The following MITF variants were observed in gnomAD, a reference collection of about 807,000 sequenced individuals.
MITF encodes the protein melanocyte inducing transcription factor, also known as microphthalmia-associated transcription factor.
In MITF, 17 loss-of-function variants were observed where a neutral mutation model predicts 60.5. That is an observed-to-expected ratio of 0.28 (90% confidence interval 0.19 to 0.42). The LOEUF (loss-of-function observed/expected upper bound fraction) is 0.42. Among genes scored for constraint, MITF ranks in the 10% least tolerant of loss-of-function variants. The pLI, the probability that MITF is intolerant of heterozygous loss-of-function variation, is 1.00. For missense variants in MITF, 622 were observed against 683.5 expected, an observed-to-expected ratio of 0.91 and a Z score of 1.00; for synonymous variants, 260 against 248.5, an observed-to-expected ratio of 1.05 and a Z score of -0.43.
chr3:69,790,381 G>T (rs190358206), intron 1 of MITF, among the ~76,000 whole-genome samples: 6 of 152,130 alleles, frequency 3.9e-5, no homozygotes, highest in African/African-American at 1.4e-4. Context: ...TCAGTTTTGC[G>T]AGATGAAAAA....
rs753953309 is a variant in MITF at position 69,766,376 on chromosome 3, A to ATTTT, written c.104+26702_104+26705dup. Among the ~76,000 whole-genome samples, 14 of 95,134 alleles carry ATTTT rather than the reference A, an allele frequency of 1.5e-4. 1 individual carries two copies. Among genetic ancestry groups the ATTTT allele is most frequent in the East Asian group, 5.9e-4 (2 of 3,412 alleles). The allele number at this position is 95,134 out of a possible 152,430, so 62.4% of individuals were successfully genotyped here. On this transcript the variant is annotated intron_variant, in intron 1 of 9. Coordinates refer to ENST00000352241, the MANE Select transcript of MITF (RefSeq NM_001354604.2). Reference sequence around the variant, plus strand: ...AGGTGTGCACCACCATGCCCAGCTAATTTTTTTTTTTTTTTTTTTTTTTTT... The same window carrying ATTTT: ...AGGTGTGCACCACCATGCCCAGCTAATTTTTTTTTTTTTTTTTTTTTTTTTTTTT...
intron 7 of MITF, among the ~76,000 whole-genome samples, chr3:69,953,684 G>GAGAGACAGAGAC (rs573498755): frequency 8.3e-5 from 12 of 143,964 alleles, no homozygotes; most frequent in Admixed American, 3.6e-4. Context: ...GAGAGAGAGA[G>GAGAGACAGAGAC]AGAGACAGAG....
rs981112526 is a variant in MITF at position 69,968,291 on chromosome 3, C to G, written c.*3043C>G. The G allele has an allele frequency of 4.4e-6, 1 of 229,838 alleles. No individual in the cohort carries two copies. The highest frequency in any genetic ancestry group is 2.2e-5 in the African/African-American group (1 of 45,134). 14.2% of individuals were successfully genotyped at this position (229,838 alleles called of 1,614,324 possible). A position where few individuals can be genotyped will look rare whatever the true frequency, so the allele number is the denominator to read the frequency against. ...ATATTAATGTATCCAATGAAATAAT[C>G]GACTTGTTCTTGATAGCCTCATTAA... On this transcript the variant is annotated 3_prime_UTR_variant, in exon 10 of 10. Coordinates refer to ENST00000352241, the MANE Select transcript of MITF (RefSeq NM_001354604.2).
chr3:69,923,184 G>A (rs1183260929), intron 2 of MITF, among the ~76,000 whole-genome samples: 2 of 152,098 alleles, frequency 1.3e-5, no homozygotes, highest in Non-Finnish European at 2.9e-5. Context: ...TCATAGTTTG[G>A]TAGTGTTTCA....
intron 1 of MITF, among the ~76,000 whole-genome samples, chr3:69,858,465 T>C (rs192028706): frequency 6.6e-6 from 1 of 152,264 alleles, no homozygotes; most frequent in Admixed American, 6.5e-5. Context: ...TTATTTAGCA[T>C]AAAGAGGTTT....
intron 2 of MITF, among the ~76,000 whole-genome samples, chr3:69,882,225 G>A (rs1163180340): frequency 2.0e-5 from 3 of 152,090 alleles, no homozygotes; most frequent in Non-Finnish European, 4.4e-5. Context: ...GTTAGAGATC[G>A]AAAATCTGCA....
intron 2 of MITF, among the ~76,000 whole-genome samples, chr3:69,885,239 C>T (rs543681498): frequency 1.3e-5 from 2 of 152,216 alleles, no homozygotes; most frequent in East Asian, 3.9e-4. Context: ...AGCCCCTTTG[C>T]AATCACTGAA....
intron 7 of MITF, among the ~76,000 whole-genome samples, chr3:69,954,385 C>T (rs983080374): frequency 2.0e-5 from 3 of 152,142 alleles, no homozygotes; most frequent in Non-Finnish European, 4.4e-5. Flanking sequence ...AGTCAAAGGG[C>T]AGGCAAGGGA....
At chr3:69,810,981 C>T (rs1317219353) in intron 1 of MITF, among the ~76,000 whole-genome samples, 1 of 152,178 alleles carries the variant, frequency 6.6e-6, no homozygotes, top group Non-Finnish European at 1.5e-5. Context: ...CTTATTTTAA[C>T]TTCAAATTAA....
At chr3:69,924,259 A>C (rs907063323) in intron 2 of MITF, among the ~76,000 whole-genome samples, 8 of 152,218 alleles carry the variant, frequency 5.3e-5, no homozygotes, top group African/African-American at 1.9e-4. Flanking sequence ...CAGAAGAATC[A>C]CAGGAATCCT....
intron 1 of MITF, among the ~76,000 whole-genome samples, chr3:69,823,807 C>G (rs1299835514): frequency 2.0e-5 from 3 of 152,162 alleles, no homozygotes; most frequent in African/African-American, 7.2e-5. Flanking sequence ...TGTGATACTA[C>G]CAGATTAGTA....
At chr3:69,788,853 C>T (rs2062694489) in intron 1 of MITF, among the ~76,000 whole-genome samples, 1 of 152,130 alleles carries the variant, frequency 6.6e-6, no homozygotes, top group Non-Finnish European at 1.5e-5. Context: ...GAAGTAAGGA[C>T]AGTCTCTTCA....
intron 1 of MITF, among the ~76,000 whole-genome samples, chr3:69,839,782 A>AT (rs1352258173): frequency 6.6e-6 from 1 of 152,056 alleles, no homozygotes; most frequent in Non-Finnish European, 1.5e-5. Flanking sequence ...ATTTCAGTTG[A>AT]TTTTTTGAAA....
At chr3:69,870,354 ATG>A (rs1268326615) in intron 1 of MITF, among the ~76,000 whole-genome samples, 3 of 148,692 alleles carry the variant, frequency 2.0e-5, no homozygotes, top group South Asian at 2.1e-4. Flanking sequence ...GTATATATGT[ATG>A]TGTGTGTATA....
At chr3:69,825,760 G>A (rs1277710348) in intron 1 of MITF, among the ~76,000 whole-genome samples, 1 of 152,078 alleles carries the variant, frequency 6.6e-6, no homozygotes, top group Admixed American at 6.6e-5. Flanking sequence ...TTTTTGAGAT[G>A]GGGAAACTGA....
chr3:69,829,064 TAG>T (rs990844595), intron 1 of MITF, among the ~76,000 whole-genome samples: 2 of 152,100 alleles, frequency 1.3e-5, no homozygotes, highest in African/African-American at 4.8e-5. Flanking sequence ...AGAATAGAAA[TAG>T]AGTGTTCTGA....
rs148547812 is a variant in MITF at position 69,900,490 on chromosome 3, G to A, written c.354+21107G>A. ...CCCTGTTTAACCAAACACCTCCCAC[G>A]TCTTTGTTCTTTGTGCTCATCCTGA... On this transcript the variant is annotated intron_variant, in intron 2 of 9. Coordinates refer to ENST00000352241, the MANE Select transcript of MITF (RefSeq NM_001354604.2). 2.2e-3 allele frequency among the ~76,000 whole-genome samples: 330 copies of A among 152,118 alleles called. 16 individuals carry two copies. The East Asian group carries it at 0.055, about 25-fold the overall frequency.
At chr3:69,798,916 C>T (rs1050082928) in intron 1 of MITF, among the ~76,000 whole-genome samples, 34 of 152,132 alleles carry the variant, frequency 2.2e-4, no homozygotes. Flanking sequence ...CTTCATTTTG[C>T]CTTGTACTTA....
intron 1 of MITF, among the ~76,000 whole-genome samples, chr3:69,868,875 G>A (rs1243559224): frequency 6.6e-6 from 1 of 150,484 alleles, no homozygotes; most frequent in African/African-American, 2.5e-5. Context: ...CTCCAGCCTG[G>A]GAGACAGAGG....
Sources: gnomAD v4.1 joint callset for allele counts (sites outside exome capture counted in the v4.1 genomes callset) on GRCh38, gnomAD v4.1.1 for gene constraint, MANE v1.5 for transcripts, NCBI Gene and HGNC (gene_info 2026-07-23, HGNC 2026-07-21) for gene names.